The following LGR6 variants were observed in gnomAD, a reference collection of about 807,000 sequenced individuals.
LGR6 encodes the protein leucine rich repeat containing G protein-coupled receptor 6, also known as leucine-rich repeat-containing G protein-coupled receptor 6.
LGR6 carries 45 observed loss-of-function variants against 69.4 expected under a neutral mutation model. The ratio of observed to expected loss-of-function variants is 0.65; its 90% confidence interval spans 0.51 to 0.83. LGR6 has a LOEUF of 0.83. LGR6 is among the 40% of genes least tolerant of loss of function. The pLI is 0.00. For missense variants in LGR6, 1,108 were observed against 1,246.7 expected (o/e 0.89, Z 1.68); for synonymous variants, 538 against 555.0 (o/e 0.97, Z 0.43).
At chr1:202,317,255 T>C (rs1320474169) in intron 17 of LGR6, among the ~76,000 whole-genome samples, 1 of 152,232 alleles carries the variant, frequency 6.6e-6, no homozygotes, top group Non-Finnish European at 1.5e-5. Flanking sequence ...GTCCTTCCTT[T>C]CTTTCCAGTG....
intron 6 of LGR6, among the ~76,000 whole-genome samples, chr1:202,288,309 CCATAG>C (rs1666546115): frequency 1.3e-5 from 2 of 152,170 alleles, no homozygotes; most frequent in Non-Finnish European, 2.9e-5. Flanking sequence ...TAATTTTTTT[CCATAG>C]CATGCACCGC....
chr1:202,256,367 C>T (rs1663774791), intron 4 of LGR6, among the ~76,000 whole-genome samples: 1 of 152,120 alleles, frequency 6.6e-6, no homozygotes, highest in Non-Finnish European at 1.5e-5. Flanking sequence ...CCTCAGCCTC[C>T]CAAGTAGCTG....
intron 6 of LGR6, among the ~76,000 whole-genome samples, chr1:202,296,543 A>G (rs887244464): frequency 2.0e-5 from 3 of 151,994 alleles, no homozygotes; most frequent in Non-Finnish European, 2.9e-5. Flanking sequence ...GCTCTTTTCT[A>G]TTTGTCACAG....
At chr1:202,285,187 A>G (rs1438170556) in intron 6 of LGR6, among the ~76,000 whole-genome samples, 3 of 152,216 alleles carry the variant, frequency 2.0e-5, no homozygotes, top group Non-Finnish European at 4.4e-5. Context: ...CTTCAACAGC[A>G]ACTGTAGCTA....
intron 6 of LGR6, among the ~76,000 whole-genome samples, chr1:202,293,467 T>C (rs2148228597): frequency 6.6e-6 from 1 of 152,338 alleles, no homozygotes; most frequent in Non-Finnish European, 1.5e-5. Context: ...AAAGATGCTC[T>C]TTCATTATCT....
intron 4 of LGR6, among the ~76,000 whole-genome samples, chr1:202,244,470 C>T (rs1662481061): frequency 6.6e-6 from 1 of 152,312 alleles, no homozygotes; most frequent in South Asian, 2.1e-4. Context: ...GCTGCGCTAC[C>T]TCTGAGGGTG....
At chr1:202,241,159 T>C (rs1257820929) in intron 4 of LGR6, among the ~76,000 whole-genome samples, 1 of 152,176 alleles carries the variant, frequency 6.6e-6, no homozygotes, top group Non-Finnish European at 1.5e-5. Context: ...TACCAGCAAA[T>C]GGAAATGTCT....
chr1:202,227,386 C>T (rs1025694775), intron 2 of LGR6, among the ~76,000 whole-genome samples: 1 of 152,176 alleles, frequency 6.6e-6, no homozygotes, highest in Non-Finnish European at 1.5e-5. Flanking sequence ...CCCCGATAAA[C>T]ATGGAAACGC....
chr1:202,224,504 T>C (rs754024947), intron 1 of LGR6, among the ~76,000 whole-genome samples: 10 of 152,184 alleles, frequency 6.6e-5, no homozygotes, highest in African/African-American at 1.4e-4. Context: ...CCTAACCTAT[T>C]TGGCACCAGG....
At position 202,228,769 on chromosome 1, in the gene LGR6, T is replaced by C. The variant is rs572427327; in HGVS notation, c.356+762T>C. Among the ~76,000 whole-genome samples the C allele has an allele frequency of 6.6e-5, 10 of 152,272 alleles. No homozygotes were observed. In the East Asian group the frequency reaches 1.7e-3, roughly 26 times the overall value. ...CGGATGCATAGGGACTGAAGGTAGA[T>C]AGGAGAGGTTCCCAGGGAGGTCGCG... On this transcript the variant is annotated intron_variant, in intron 3 of 17. Transcript: ENST00000367278.
At chr1:202,254,923 G>T (rs1663640156) in intron 4 of LGR6, among the ~76,000 whole-genome samples, 1 of 151,994 alleles carries the variant, frequency 6.6e-6, no homozygotes, top group African/African-American at 2.4e-5. Context: ...AAAGGAAAGA[G>T]AAAAGAGTTG....
At chr1:202,200,117 T>C (rs1658788773) in intron 1 of LGR6, among the ~76,000 whole-genome samples, 1 of 152,120 alleles carries the variant, frequency 6.6e-6, no homozygotes, top group African/African-American at 2.4e-5. Context: ...GAAACAGGCC[T>C]TTCAAGCAGC....
intron 2 of LGR6, among the ~76,000 whole-genome samples, chr1:202,227,033 T>C (rs1660607330): frequency 1.3e-5 from 2 of 152,072 alleles, no homozygotes; most frequent in Admixed American, 6.5e-5. Flanking sequence ...TTTTAGAGGC[T>C]CCACCTAAAG....
intron 4 of LGR6, among the ~76,000 whole-genome samples, chr1:202,274,757 G>A (rs1571942819): frequency 1.3e-5 from 2 of 152,204 alleles, no homozygotes; most frequent in Admixed American, 6.5e-5. Flanking sequence ...ACCATCAAGG[G>A]TGTGACGGCC....
intron 4 of LGR6, among the ~76,000 whole-genome samples, chr1:202,271,737 G>A (rs1665118369): frequency 1.3e-5 from 2 of 151,468 alleles, no homozygotes; most frequent in Non-Finnish European, 2.9e-5. Context: ...GAACCCGGGA[G>A]GCAGAGGTTT....
chr1:202,237,983 CAAA>C (rs5780111), intron 4 of LGR6, among the ~76,000 whole-genome samples: 3 of 75,370 alleles, frequency 4.0e-5, no homozygotes, highest in Admixed American at 2.9e-4. Context: ...GGGGGATTTG[CAAA>C]AAAAAAAAAA....
In LGR6 at chr1:202,314,828, C is replaced by G. The variant is rs1304687951; in HGVS notation, c.1594C>G (p.Leu532Val). ...HYDQDLDELQ[L>V]EMEDSKPHPS... The stretch of plus-strand genomic sequence containing the variant: ...TGACCAGGACCTGGATGAGCTCCAG[C>G]TGGAGATGGAGGACTCAAAGCCACA... Residue 532 changes from leucine (L) to valine (V), a missense_variant, in exon 17 of 18, where the codon CTG (leucine) becomes GTG (valine). Transcript: ENST00000367278. 5.0e-6 allele frequency: 8 copies of G among 1,614,016 alleles called. No individual in the cohort carries two copies. The South Asian group carries it at 8.8e-5, about 18-fold the overall frequency.
At chr1:202,300,767 C>A in intron 7 of LGR6, 82 bp from the exon 8 acceptor site, 1 of 984,532 alleles carries the variant, frequency 1.0e-6, no homozygotes, top group Non-Finnish European at 1.6e-6. Flanking sequence ...AGCTTGCTGT[C>A]CAAAAGCCCT....
chr1:202,213,634 G>A (rs1659565236), intron 1 of LGR6, among the ~76,000 whole-genome samples: 1 of 152,178 alleles, frequency 6.6e-6, no homozygotes, highest in Non-Finnish European at 1.5e-5. Flanking sequence ...GGCTCTGTTG[G>A]TTACATGCAG....
Sources: gnomAD v4.1 joint callset for allele counts (sites outside exome capture counted in the v4.1 genomes callset) on GRCh38, gnomAD v4.1.1 for gene constraint, MANE v1.5 for transcripts, NCBI Gene and HGNC (gene_info 2026-07-23, HGNC 2026-07-21) for gene names.